Variants in CCDC42 observed in about 807,000 individuals in gnomAD.
The protein encoded by CCDC42 is coiled-coil domain-containing protein 42.
A neutral mutation model predicts 40.8 loss-of-function variants in CCDC42; 38 were observed. That is an observed-to-expected ratio of 0.93 (90% confidence interval 0.72 to 1.22). The LOEUF is 1.22. Ranked by LOEUF, CCDC42 falls within the 50% of genes most tolerant of loss-of-function variation. The pLI is 0.00. For synonymous variants in CCDC42, 135 were observed against 157.5 expected, an observed-to-expected ratio of 0.86 and a Z score of 1.07; for missense variants, 379 against 416.5, an observed-to-expected ratio of 0.91 and a Z score of 0.78.
intron 4 of CCDC42, 39 bp downstream of exon 4, chr17:8,741,435 G>C (rs1331838584): frequency 6.3e-7 from 1 of 1,586,820 alleles, no homozygotes; most frequent in African/African-American, 1.3e-5. Context: ...TGGGGCTGAG[G>C]AAGGTGCCAG....
chr17:8,737,697 A>G (rs531421085), intron 4 of CCDC42, among the ~76,000 whole-genome samples: 15 of 152,310 alleles, frequency 9.8e-5, no homozygotes, highest in South Asian at 4.1e-4. Flanking sequence ...AAACACATCA[A>G]TGGAATCATA....
Position 8,730,388 on chromosome 17 carries a change from G to A in CCDC42, c.874-181C>T, listed in dbSNP as rs142926655. Among the ~76,000 whole-genome samples the A allele has an allele frequency of 2.3e-3, 352 of 152,256 alleles. 1 individual carries two copies. Among genetic ancestry groups the A allele is most frequent in the African/African-American group, 7.9e-3 (330 of 41,538 alleles). On this transcript the variant is annotated intron_variant, in intron 6 of 6. Transcript: ENST00000293845. ...AGAGTCTTGCTCTGTCACCCAGGGT[G>A]GAGTGCAGTGGCACGATCTAGGCTC... is the stretch of plus-strand genomic sequence containing the variant.
Position 8,735,267 on chromosome 17 carries a change from TAAG to T in CCDC42, c.715-16_715-14del, listed in dbSNP as rs756195072. The T allele has an allele frequency of 2.5e-6, 4 of 1,614,068 alleles. No individual in the cohort carries two copies. The Admixed American group carries it at 6.7e-5, about 27-fold the overall frequency. The stretch of plus-strand genomic sequence containing the variant: ...CCCAGCGAGATTCCTGGAGAGTGGA[TAAG>T]GACGGGGCATGAGCACAGCATGTGG... On this transcript the variant is annotated splice_polypyrimidine_tract_variant and intron_variant, in intron 5 of 6. Transcript: ENST00000293845. The surrounding 1 kb of genome is among the most constrained non-coding windows in gnomAD (Gnocchi z 4.7).
At chr17:8,741,402 C>T (rs990698908) in intron 4 of CCDC42, 72 bp downstream of exon 4, 2 of 1,466,792 alleles carry the variant, frequency 1.4e-6, no homozygotes, top group Non-Finnish European at 1.9e-6. Flanking sequence ...CATCCCATGG[C>T]CCCAGGCCCC....
chr17:8,739,613 G>A (rs1232970111), intron 4 of CCDC42, among the ~76,000 whole-genome samples: 1 of 152,172 alleles, frequency 6.6e-6, no homozygotes, highest in Non-Finnish European at 1.5e-5. Context: ...TGCAACCTCG[G>A]CTCACTGCAA....
rs376021772 is a variant in CCDC42 at position 8,741,628 on chromosome 17, T to C, written c.338A>G (p.Lys113Arg). 9.9e-6 allele frequency: 16 copies of C among 1,613,946 alleles called. No individual in the cohort carries two copies. Among genetic ancestry groups the C allele is most frequent in the Non-Finnish European group, 1.4e-5 (16 of 1,180,018 alleles). Residue 113 changes from lysine (K) to arginine (R), a missense_variant, in exon 4 of 7, where the codon AAG becomes AGG. By Grantham distance (26) the Lys-to-Arg change is conservative (BLOSUM62 2). Coordinates refer to ENST00000293845, the MANE Select transcript of CCDC42 (RefSeq NM_144681.3). ...GTGCTGGCACTTGAGTTCTCGCTCCTTGTTGGCTTTCTTCATGGCGCGGAT... is the reference window on the plus strand; with the variant it reads ...GTGCTGGCACTTGAGTTCTCGCTCCCTGTTGGCTTTCTTCATGGCGCGGAT... ...KRIRAMKKAN[K>R]ERELKCQHMQ...
intron 4 of CCDC42, among the ~76,000 whole-genome samples, chr17:8,736,824 G>T (rs2086613947): frequency 1.3e-5 from 2 of 152,034 alleles, no homozygotes; most frequent in Admixed American, 1.3e-4. Flanking sequence ...GACAGCCTGG[G>T]CAAAGATGAA....
At chr17:8,733,810 C>T (rs909136082) in intron 6 of CCDC42, among the ~76,000 whole-genome samples, 3 of 152,058 alleles carry the variant, frequency 2.0e-5, no homozygotes, top group African/African-American at 7.2e-5. Context: ...TCTTTCTTTA[C>T]AACAGCTAAG....
intron 4 of CCDC42, among the ~76,000 whole-genome samples, chr17:8,739,944 C>A (rs998222740): frequency 2.0e-5 from 3 of 152,128 alleles, no homozygotes; most frequent in Admixed American, 1.3e-4. Context: ...CCTTATAGTA[C>A]GTAGCACCTT....
At chr17:8,738,117 C>T (rs1044237753) in intron 4 of CCDC42, among the ~76,000 whole-genome samples, 26 of 152,308 alleles carry the variant, frequency 1.7e-4, no homozygotes, top group African/African-American at 5.8e-4. Context: ...TGAGCCACCA[C>T]GCTTGACCCA....
At position 8,735,740 on chromosome 17, in the gene CCDC42, T is replaced by A. The variant is rs1597344559; in HGVS notation, c.493-129A>T. The A allele has an allele frequency of 1.4e-6, 1 of 723,504 alleles. No homozygotes were observed. Among genetic ancestry groups the A allele is most frequent in the Non-Finnish European group, 2.2e-6 (1 of 444,930 alleles). The allele number at this position is 723,504 out of a possible 1,614,324, so 44.8% of individuals were successfully genotyped here. On this transcript the variant is annotated intron_variant, in intron 4 of 6. Transcript: ENST00000293845. This position sits in a 1 kb window ranked among gnomAD's most constrained non-coding sequence, Gnocchi z 4.7. ...TGGGCAGGCAGGCCCTTGGCCAGGG[T>A]CACGGCCAGAGGCTGTGAGGGACAC...
At position 8,744,112 on chromosome 17, in the gene CCDC42, TTC is replaced by T; in HGVS notation, c.154_155del (p.Glu52AsnfsTer30). 1.2e-6 allele frequency: 2 copies of T among 1,613,998 alleles called. No individual in the cohort carries two copies. Among genetic ancestry groups the T allele is most frequent in the Non-Finnish European group, 1.7e-6 (2 of 1,179,942 alleles). On this transcript the variant is annotated frameshift_variant, in exon 2 of 7. Coordinates refer to ENST00000293845, the MANE Select transcript of CCDC42 (RefSeq NM_144681.3). LOFTEE classifies it high-confidence loss of function. ...TCTGCACCATAGTTTGATGCATGAT[TTC>T]TGTCTCCTTTTTCTTCTCCAGTAGC... Reference protein sequence around the residue: ...IWLLEKKKETEIMHQTMVQKK... With the variant: ...IWLLEKKKETXIMHQTMVQKK...
At chr17:8,738,965 G>GTTTGA (rs1168761445) in intron 4 of CCDC42, among the ~76,000 whole-genome samples, 4 of 152,222 alleles carry the variant, frequency 2.6e-5, no homozygotes, top group African/African-American at 7.2e-5. Flanking sequence ...TATCGGTAGT[G>GTTTGA]TTTGATTTAA....
chr17:8,740,791 T>C (rs978798786), intron 4 of CCDC42, among the ~76,000 whole-genome samples: 4 of 152,084 alleles, frequency 2.6e-5, no homozygotes, highest in African/African-American at 9.7e-5. Context: ...GAGGAGTGGC[T>C]AAAAGCAAAG....
chr17:8,736,468 C>T (rs543130469), intron 4 of CCDC42, among the ~76,000 whole-genome samples: 13 of 152,358 alleles, frequency 8.5e-5, no homozygotes, highest in African/African-American at 2.6e-4. Context: ...ATGAAACCCA[C>T]GCTCTTTAGA....
chr17:8,729,979 A>T lies in CCDC42; in HGVS notation c.*151T>A. ...TATAACATTCACTGTTTTCAGGGAT[A>T]GAGTGAGGCCCACGGGGGAAAATAA... On this transcript the variant is annotated 3_prime_UTR_variant, in exon 7 of 7. Coordinates refer to ENST00000293845, the MANE Select transcript of CCDC42 (RefSeq NM_144681.3). 1 of 676,316 alleles carries T rather than the reference A, an allele frequency of 1.5e-6. No homozygotes were observed. Among genetic ancestry groups the T allele is most frequent in the Non-Finnish European group, 2.7e-6 (1 of 376,566 alleles). The allele number at this position is 676,316 out of a possible 1,614,324, so 41.9% of individuals were successfully genotyped here.
intron 6 of CCDC42, among the ~76,000 whole-genome samples, chr17:8,734,646 C>T (rs1049947788): frequency 2.6e-5 from 4 of 152,048 alleles, no homozygotes; most frequent in Admixed American, 2.6e-4. Context: ...CATGAGCCAC[C>T]GTGCCTGGCC....
intron 3 of CCDC42, 57 bp from the exon 4 acceptor site, chr17:8,741,728 C>A: frequency 6.4e-7 from 1 of 1,552,512 alleles, no homozygotes; most frequent in Non-Finnish European, 8.7e-7. Context: ...TCCCGGGGCC[C>A]AGGCCTTCCT....
At chr17:8,743,551 G>T in intron 3 of CCDC42, 75 bp downstream of exon 3, 1 of 852,340 alleles carries the variant, frequency 1.2e-6, no homozygotes, top group Non-Finnish European at 2.1e-6. Flanking sequence ...GCAGAAGCAA[G>T]GAGGAGGAGT....
Sources: allele counts gnomAD v4.1 joint callset (sites outside exome capture counted in the v4.1 genomes callset), GRCh38; gene constraint gnomAD v4.1.1; non-coding constraint Gnocchi (gnomAD v3.1); transcripts MANE v1.5; gene names NCBI Gene and HGNC (gene_info 2026-07-23, HGNC 2026-07-21).